The following P4HA2 variants were observed in gnomAD, a reference collection of about 807,000 sequenced individuals.
P4HA2 encodes prolyl 4-hydroxylase subunit alpha-2.
A neutral mutation model predicts 76.9 loss-of-function variants in P4HA2; 46 were observed. The observed-to-expected ratio is 0.60, with a 90% CI of 0.47 to 0.76. P4HA2 has a LOEUF of 0.76. Among genes scored for constraint, P4HA2 ranks in the 30% least tolerant of loss-of-function variants. P4HA2 has a pLI of 0.00. For missense variants in P4HA2, 583 were observed against 669.4 expected (o/e 0.87, Z 1.42); for synonymous variants, 243 against 254.0 (o/e 0.96, Z 0.41).
rs561147060 is a variant in P4HA2, at chr5:132,221,887, C to T, written c.-18-3243G>A. On this transcript the variant is annotated intron_variant, in intron 1 of 14. Coordinates refer to ENST00000360568, the MANE Select transcript of P4HA2 (RefSeq NM_001017974.2). ...CAGCAACAGTGATTCACCCATCAGG[C>T]GACTGGCACTGTTTCTAAACACAGG... 2.0e-4 allele frequency among the ~76,000 whole-genome samples: 30 copies of T among 152,338 alleles called. No homozygotes were observed. The East Asian group carries it at 4.2e-3, about 22-fold the overall frequency.
chr5:132,194,046 C>T (rs1750236669), intron 14 of P4HA2, among the ~76,000 whole-genome samples: 1 of 152,102 alleles, frequency 6.6e-6, no homozygotes, highest in African/African-American at 2.4e-5. Context: ...AGATAAGATG[C>T]TTATAGTTCT....
chr5:132,193,769 T>C (rs1750186852), intron 14 of P4HA2, among the ~76,000 whole-genome samples: 3 of 152,134 alleles, frequency 2.0e-5, no homozygotes, highest in Admixed American at 2.0e-4. Flanking sequence ...CCACGCCATA[T>C]CTTCAAACAC....
At chr5:132,212,340 A>C (rs1447235013) in intron 5 of P4HA2, among the ~76,000 whole-genome samples, 2 of 152,178 alleles carry the variant, frequency 1.3e-5, no homozygotes, top group African/African-American at 2.4e-5. Context: ...TGGAGGTAGG[A>C]GACAAGTCAG....
chr5:132,223,317 C>T (rs1405593755), intron 1 of P4HA2, among the ~76,000 whole-genome samples: 1 of 152,244 alleles, frequency 6.6e-6, no homozygotes, highest in Non-Finnish European at 1.5e-5. Flanking sequence ...GGCTGGAGTG[C>T]AGTGGCACAA....
In P4HA2 at chr5:132,210,432, C is replaced by T. The variant is rs199749218; in HGVS notation, c.561G>A (p.Leu187=). Residue 187 remains leucine, a synonymous_variant, in exon 6 of 15, where the codon TTG becomes TTA. Coordinates refer to ENST00000360568, the MANE Select transcript of P4HA2 (RefSeq NM_001017974.2). ...YNEGDYYHTV[L]WMEQVLKQLD... is the part of the protein sequence containing the mutation. ...GCTGCTTTAGCACCTGCTCCATCCA[C>T]AACACCGTATGATAATAGTCCCCTT... is the stretch of plus-strand genomic sequence containing the variant. 34 of 1,614,056 alleles carry T rather than the reference C, an allele frequency of 2.1e-5. No individual in the cohort carries two copies. The highest frequency in any genetic ancestry group is 2.4e-5 in the Non-Finnish European group (28 of 1,180,044).
rs149123943 is a variant in P4HA2, at chr5:132,227,397, C to A, written c.-19+393G>T. The stretch of plus-strand genomic sequence containing the variant: ...GCCAATATGAAGAGGCCCCTCAGGG[C>A]CAGGCGGACGCCGCGCCCCCGCTCC... On this transcript the variant is annotated intron_variant, in intron 1 of 14. Transcript: ENST00000360568. 1.1e-3 allele frequency: 163 copies of A among 152,418 alleles called. 3 individuals carry two copies. In the East Asian group the frequency reaches 0.027, roughly 25 times the overall value. The allele number at this position is 152,418 out of a possible 1,614,324, so 9.4% of individuals were successfully genotyped here. A position where few individuals can be genotyped will look rare whatever the true frequency, so the allele number is the denominator to read the frequency against.
intron 5 of P4HA2, among the ~76,000 whole-genome samples, chr5:132,213,436 C>T (rs1038623710): frequency 6.6e-6 from 1 of 152,050 alleles, no homozygotes; most frequent in African/African-American, 2.4e-5. Context: ...CCGAGGGAGG[C>T]AAGTGTTAAG....
At position 132,193,282 on chromosome 5, in the gene P4HA2, G is replaced by A. The variant is rs1750122753; in HGVS notation, c.1532-202C>T. 1.5e-5 allele frequency: 8 copies of A among 533,728 alleles called. No homozygotes were observed. In the South Asian group the frequency reaches 2.1e-4, roughly 14 times the overall value. The allele number at this position is 533,728 out of a possible 1,614,324, so 33.1% of individuals were successfully genotyped here. A position where few individuals can be genotyped will look rare whatever the true frequency, so the allele number is the denominator to read the frequency against. On this transcript the variant is annotated intron_variant, in intron 14 of 14. Transcript: ENST00000360568. ...TAATTGTATGAAATTCTGCCAGTGG[G>A]ACAAGATACATGTGTGCAGGTTGCC...
intron 8 of P4HA2, among the ~76,000 whole-genome samples, chr5:132,206,181 A>G (rs911702524): frequency 6.6e-5 from 10 of 152,180 alleles, no homozygotes; most frequent in African/African-American, 2.4e-4. Flanking sequence ...GCACACATGC[A>G]CAGAGAAATG....
In P4HA2 at chr5:132,218,494, G is replaced by A. The variant is rs756177533; in HGVS notation, c.82+51C>T. Reference sequence around the variant, plus strand: ...GAACAGGCTGCAGCCAGAGACATCCGTGGCATGTGAGCCAAGGTGTCAGGG... The same window carrying A: ...GAACAGGCTGCAGCCAGAGACATCCATGGCATGTGAGCCAAGGTGTCAGGG... On this transcript the variant is annotated intron_variant, in intron 2 of 14. Coordinates refer to ENST00000360568, the MANE Select transcript of P4HA2 (RefSeq NM_001017974.2). 7 of 1,251,236 alleles carry A rather than the reference G, an allele frequency of 5.6e-6. No individual in the cohort carries two copies. In the African/African-American group the frequency reaches 5.9e-5, roughly 11 times the overall value. 77.5% of individuals were successfully genotyped at this position (1,251,236 alleles called of 1,614,324 possible). A position where few individuals can be genotyped will look rare whatever the true frequency, so the allele number is the denominator to read the frequency against.
At chr5:132,201,772 A>C (rs908740048) in intron 10 of P4HA2, 1 of 152,198 alleles carries the variant, frequency 6.6e-6, no homozygotes, top group Non-Finnish European at 1.5e-5. Context: ...TGTAGCAGAG[A>C]AGTCAGTCCA....
chr5:132,209,387 T>C (rs1185876241), intron 6 of P4HA2, 56 bp from the exon 7 acceptor site: 23 of 1,370,072 alleles, frequency 1.7e-5, no homozygotes, highest in Non-Finnish European at 2.3e-5. Context: ...TGTTAGGTCA[T>C]TTAGAGAAAT....
At chr5:132,204,272 C>T in intron 8 of P4HA2, 120 bp from the exon 9 acceptor site, 1 of 805,492 alleles carries the variant, frequency 1.2e-6, no homozygotes, top group Non-Finnish European at 2.1e-6. Flanking sequence ...AGCTTTGCAG[C>T]CAATGGCTCT....
intron 12 of P4HA2, chr5:132,195,745 G>A (rs1750541603): frequency 1.9e-6 from 1 of 531,804 alleles, no homozygotes. Context: ...GTCCCTGGAT[G>A]AAAATAATCT....
Position 132,198,883 on chromosome 5 carries a change from G to A in P4HA2, c.1301C>T (p.Ser434Phe). 6.2e-7 allele frequency: 1 copy of A among 1,610,336 alleles called. No homozygotes were observed. Among genetic ancestry groups the A allele is most frequent in the Non-Finnish European group, 8.5e-7 (1 of 1,176,502 alleles). Reference sequence around the variant, plus strand: ...CACCTGTGATTTAGGCCTTACCCTAGAGAAGTCGAAGTGCGGTTCATACTG... The same window carrying A: ...CACCTGTGATTTAGGCCTTACCCTAAAGAAGTCGAAGTGCGGTTCATACTG... ...GGQYEPHFDF[S>F]RRPFDSGLKT... The change falls in exon 11 of 15, where the codon TCT (serine) becomes TTT (phenylalanine). Residue 434 changes from serine to phenylalanine, a missense_variant. Ser to Phe is a radical substitution (Grantham distance 155). Transcript: ENST00000360568.
chr5:132,222,994 T>C (rs1251928207), intron 1 of P4HA2, among the ~76,000 whole-genome samples: 5 of 152,196 alleles, frequency 3.3e-5, no homozygotes, highest in East Asian at 1.9e-4. Context: ...TACCACTATA[T>C]TGGATGCATC....
intron 5 of P4HA2, 38 bp downstream of exon 5, chr5:132,213,878 C>T (rs2126604983): frequency 6.2e-7 from 1 of 1,606,822 alleles, no homozygotes; most frequent in Non-Finnish European, 8.5e-7. Flanking sequence ...ACTAAAGAGA[C>T]ACATGCGGGA....
intron 12 of P4HA2, chr5:132,197,848 T>C (rs762044283): frequency 5.4e-5 from 13 of 240,462 alleles, no homozygotes; most frequent in Non-Finnish European, 8.7e-5. Flanking sequence ...ATGATGAAAA[T>C]AGATGGAAAT....
Position 132,195,488 on chromosome 5 carries a change from T to C in P4HA2, c.1366-8A>G, listed in dbSNP as rs1397840127. On this transcript the variant is annotated splice_polypyrimidine_tract_variant and splice_region_variant and intron_variant, in intron 12 of 14. Coordinates refer to ENST00000360568, the MANE Select transcript of P4HA2 (RefSeq NM_001017974.2). ...AGCTTCTACATCACTCATCTGGAAA[T>C]ATAAGACATAGAGCTTGACCCTCCT... 1 of 1,607,414 alleles carries C rather than the reference T, an allele frequency of 6.2e-7. No homozygotes were observed. Among genetic ancestry groups the C allele is most frequent in the East Asian group, 2.2e-5 (1 of 44,848 alleles).
Sources: gnomAD v4.1 joint callset for allele counts (sites outside exome capture counted in the v4.1 genomes callset) on GRCh38, gnomAD v4.1.1 for gene constraint, MANE v1.5 for transcripts, NCBI Gene and HGNC (gene_info 2026-07-23, HGNC 2026-07-21) for gene names.